The following NEK6 variants were observed in gnomAD, a reference collection of about 807,000 sequenced individuals.
The protein encoded by NEK6 is serine/threonine-protein kinase Nek6.
NEK6 carries 27 observed loss-of-function variants against 43.5 expected under a neutral mutation model. The observed-to-expected ratio is 0.62, with a 90% CI of 0.46 to 0.86. NEK6 has a LOEUF of 0.86. Ranked by LOEUF, NEK6 falls within the 40% of genes least tolerant of loss-of-function variation. The pLI is 0.00. For missense variants in NEK6, 318 were observed against 414.4 expected, an observed-to-expected ratio of 0.77 and a Z score of 2.02; for synonymous variants, 167 against 164.1, an observed-to-expected ratio of 1.02 and a Z score of -0.14.
intron 1 of NEK6, among the ~76,000 whole-genome samples, chr9:124,258,806 C>G (rs1040691567): frequency 6.6e-6 from 1 of 152,240 alleles, no homozygotes; most frequent in African/African-American, 2.4e-5. Flanking sequence ...TAGAGCCAGG[C>G]TGCGGCAGGG....
chr9:124,313,476 T>C (rs1833650768), intron 3 of NEK6, among the ~76,000 whole-genome samples: 1 of 152,088 alleles, frequency 6.6e-6, no homozygotes, highest in Admixed American at 6.5e-5. Flanking sequence ...CAAGCGATTC[T>C]CCTGCCTAGG....
At position 124,312,589 on chromosome 9, in the gene NEK6, C is replaced by T. The variant is rs770635824; in HGVS notation, c.171C>T (p.Ser57=). 6 of 1,614,046 alleles carry T rather than the reference C, an allele frequency of 3.7e-6. No individual in the cohort carries two copies. Among genetic ancestry groups the T allele is most frequent in the Non-Finnish European group, 4.2e-6 (5 of 1,180,022 alleles). ...AGAAGATAGGCCGAGGACAGTTCAG[C>T]GAGGTGTACAAGGCCACCTGCCTGC... ...IEKKIGRGQF[S]EVYKATCLLD... The change falls in exon 3 of 10, where the codon AGC becomes AGT. Residue 57 remains serine, a synonymous_variant. Coordinates refer to ENST00000320246, the MANE Select transcript of NEK6 (RefSeq NM_014397.6).
At chr9:124,289,900 A>G (rs1009539151) in intron 1 of NEK6, among the ~76,000 whole-genome samples, 1 of 152,180 alleles carries the variant, frequency 6.6e-6, no homozygotes, top group Admixed American at 6.5e-5. Flanking sequence ...TCTGGCCTGT[A>G]TGAGTCCTGG....
rs1004035182 is a variant in NEK6 at position 124,324,418 on chromosome 9, C to T, written c.406-1912C>T. 2.0e-5 allele frequency among the ~76,000 whole-genome samples: 3 copies of T among 152,148 alleles called. No individual in the cohort carries two copies. Among genetic ancestry groups the T allele is most frequent in the Non-Finnish European group, 2.9e-5 (2 of 68,008 alleles). ...GCTGCGCCATCACAGCCATGGTGCC[C>T]GAGTTATTTACGAGGAAGAGTGAAG... On this transcript the variant is annotated intron_variant, in intron 5 of 9. Coordinates refer to ENST00000320246, the MANE Select transcript of NEK6 (RefSeq NM_014397.6). The surrounding 1 kb of genome is among the most constrained non-coding windows in gnomAD (Gnocchi z 5.3).
In NEK6 at chr9:124,339,671, T is replaced by G; in HGVS notation, c.717+6T>G. ...TGGGCTGTCTGCTGTACGAGGTGAG[T>G]CTCTGTCCGTGGCTCAGCAGCATTT... is the stretch of plus-strand genomic sequence containing the variant. On this transcript the variant is annotated splice_donor_region_variant and intron_variant, in intron 8 of 9. Coordinates refer to ENST00000320246, the MANE Select transcript of NEK6 (RefSeq NM_014397.6). 4 of 1,601,780 alleles carry G rather than the reference T, an allele frequency of 2.5e-6. No homozygotes were observed. Among genetic ancestry groups the G allele is most frequent in the Non-Finnish European group, 2.6e-6 (3 of 1,168,742 alleles).
chr9:124,289,188 CACACA>C (rs1564624229), intron 1 of NEK6, among the ~76,000 whole-genome samples: 9 of 1,162 alleles, frequency 7.7e-3, no homozygotes, highest in Admixed American at 0.014. Flanking sequence ...CCCCCCCCGC[CACACA>C]CACACACACA....
chr9:124,257,976 T>G lies in NEK6; in HGVS notation c.-139T>G. The G allele has an allele frequency of 1.0e-6, 1 of 978,074 alleles. No homozygotes were observed. The highest frequency in any genetic ancestry group is 1.2e-6 in the Non-Finnish European group (1 of 827,294). The allele number at this position is 978,074 out of a possible 1,614,324, so 60.6% of individuals were successfully genotyped here. On this transcript the variant is annotated 5_prime_UTR_variant, in exon 1 of 10. Coordinates refer to ENST00000320246, the MANE Select transcript of NEK6 (RefSeq NM_014397.6). ...GGTGGCGGCGGCGGCGGAACCGAGC[T>G]GACGGGCGTGCGGCCGCTGCGCCGC...
intron 1 of NEK6, chr9:124,300,174 T>C (rs1268388309): frequency 6.6e-6 from 1 of 152,088 alleles, no homozygotes; most frequent in Non-Finnish European, 1.5e-5. Flanking sequence ...TAGGGTTTGG[T>C]GGACATCCTT....
At chr9:124,340,028 C>G (rs577579936) in intron 8 of NEK6, among the ~76,000 whole-genome samples, 5 of 152,212 alleles carry the variant, frequency 3.3e-5, no homozygotes, top group African/African-American at 1.2e-4. Flanking sequence ...AGGCCCGGTG[C>G]AGGGCACCTG....
chr9:124,348,238 A>G (rs1309885835), intron 9 of NEK6, among the ~76,000 whole-genome samples: 1 of 152,182 alleles, frequency 6.6e-6, no homozygotes, highest in Non-Finnish European at 1.5e-5. Flanking sequence ...CCATGACAGG[A>G]AACTACGGCA....
rs1225675125 is a variant in NEK6 at position 124,351,086 on chromosome 9, T to C, written c.*139T>C. The stretch of plus-strand genomic sequence containing the variant: ...GGTTCCCCAAAAGGCTGCCCAGCCT[T>C]ACAGCAGATGCTGAAGGCAGAGCAG... On this transcript the variant is annotated 3_prime_UTR_variant, in exon 10 of 10. Coordinates refer to ENST00000320246, the MANE Select transcript of NEK6 (RefSeq NM_014397.6). The C allele has an allele frequency of 8.2e-6, 5 of 609,964 alleles. No individual in the cohort carries two copies. The highest frequency in any genetic ancestry group is 1.8e-5 in the African/African-American group (1 of 54,084). 37.8% of individuals were successfully genotyped at this position (609,964 alleles called of 1,614,324 possible). A position where few individuals can be genotyped will look rare whatever the true frequency, so the allele number is the denominator to read the frequency against.
At chr9:124,344,394 G>A (rs1023166328) in intron 8 of NEK6, among the ~76,000 whole-genome samples, 7 of 152,226 alleles carry the variant, frequency 4.6e-5, no homozygotes, top group African/African-American at 1.4e-4. Context: ...TGTGGCCACC[G>A]GAGTTGCTGG....
intron 1 of NEK6, among the ~76,000 whole-genome samples, chr9:124,266,293 A>T (rs947392784): frequency 1.3e-5 from 2 of 152,222 alleles, no homozygotes; most frequent in Non-Finnish European, 2.9e-5. Context: ...CCTCCCAGTG[A>T]TGCCGTGATG....
At chr9:124,306,448 G>A (rs1046583727) in intron 2 of NEK6, among the ~76,000 whole-genome samples, 7 of 152,138 alleles carry the variant, frequency 4.6e-5, no homozygotes, top group East Asian at 1.9e-4. Context: ...GGCCCACGGA[G>A]TGCGGTGCAG....
At chr9:124,313,616 C>T (rs113489529) in intron 3 of NEK6, among the ~76,000 whole-genome samples, 6,823 of 152,260 alleles carry the variant, frequency 0.045, 227 homozygotes, top group African/African-American at 0.095. Context: ...GATCCACCCA[C>T]CTCAGCCTCG....
At chr9:124,263,661 C>T (rs970887094) in intron 1 of NEK6, among the ~76,000 whole-genome samples, 29 of 152,204 alleles carry the variant, frequency 1.9e-4, no homozygotes, top group Admixed American at 1.8e-3. Context: ...GTCTCCAGTG[C>T]CCCTGCATTG....
intron 7 of NEK6, among the ~76,000 whole-genome samples, chr9:124,328,458 C>A (rs1828787552): frequency 6.6e-6 from 1 of 152,106 alleles, no homozygotes; most frequent in South Asian, 2.1e-4. Context: ...CCCAGGCCCA[C>A]CCCCTGTGTG....
At chr9:124,317,023 A>C (rs1201351554) in intron 4 of NEK6, among the ~76,000 whole-genome samples, 1 of 152,218 alleles carries the variant, frequency 6.6e-6, no homozygotes, top group East Asian at 1.9e-4. Context: ...GAGGAGGGTG[A>C]AGGAGCAGGG....
At chr9:124,304,966 A>G (rs1833179860) in intron 2 of NEK6, among the ~76,000 whole-genome samples, 1 of 152,196 alleles carries the variant, frequency 6.6e-6, no homozygotes, top group African/African-American at 2.4e-5. Flanking sequence ...TTGGGAATGA[A>G]GTGTAAGCCT....
Sources: gnomAD v4.1 joint callset for allele counts (sites outside exome capture counted in the v4.1 genomes callset) on GRCh38, gnomAD v4.1.1 for gene constraint, Gnocchi (gnomAD v3.1) non-coding constraint, MANE v1.5 for transcripts, NCBI Gene and HGNC (gene_info 2026-07-23, HGNC 2026-07-21) for gene names.